Variants in CLVS2 observed in about 807,000 individuals in gnomAD.
CLVS2 encodes the protein clavesin-2.
In CLVS2, 19 loss-of-function variants were observed where a neutral mutation model predicts 29.0. That is an observed-to-expected ratio of 0.66 (90% confidence interval 0.46 to 0.96). CLVS2 has a LOEUF of 0.96. Ranked by LOEUF, CLVS2 falls within the 40% of genes least tolerant of loss-of-function variation. The probability of loss-of-function intolerance (pLI) is 0.00; values close to 1 mark genes in which losing one functional copy is unlikely to be tolerated. For missense variants in CLVS2, 294 were observed against 404.1 expected, an observed-to-expected ratio of 0.73 and a Z score of 2.34; for synonymous variants, 161 against 151.3, an observed-to-expected ratio of 1.06 and a Z score of -0.47.
intron 3 of CLVS2, among the ~76,000 whole-genome samples, chr6:123,047,246 T>G (rs1582661151): frequency 6.6e-6 from 1 of 152,174 alleles, no homozygotes; most frequent in East Asian, 1.9e-4. Flanking sequence ...AGGTATATAC[T>G]ATCTTCTTTT....
At chr6:123,011,197 T>G (rs1382508796) in intron 3 of CLVS2, 38 bp downstream of exon 3, 1 of 1,424,358 alleles carries the variant, frequency 7.0e-7, no homozygotes, top group South Asian at 1.5e-5. Context: ...TGGTCTCTTG[T>G]GTTTGACTTC....
chr6:123,015,237 GACTGCAT>G (rs1400248634), intron 3 of CLVS2, among the ~76,000 whole-genome samples: 1 of 151,992 alleles, frequency 6.6e-6, no homozygotes, highest in Non-Finnish European at 1.5e-5. Flanking sequence ...TGGCATAAAA[GACTGCAT>G]ACTATATGGT....
At position 123,070,762 on chromosome 6, in the gene CLVS2, T is replaced by C. The variant is rs1043686098; in HGVS notation, c.*7001T>C. On this transcript the variant is annotated 3_prime_UTR_variant, in exon 6 of 6. Coordinates refer to ENST00000275162, the MANE Select transcript of CLVS2 (RefSeq NM_001010852.4). ...AGTTCTCTACCCCGTTCTTGCCTTT[T>C]CTTAGATAATCTCTTAAGAATCTCT... 2 of 152,036 alleles carry C rather than the reference T, an allele frequency of 1.3e-5. No homozygotes were observed. The highest frequency in any genetic ancestry group is 4.8e-5 in the African/African-American group (2 of 41,428). The allele number at this position is 152,036 out of a possible 1,614,324, so 9.4% of individuals were successfully genotyped here.
chr6:123,035,279 T>C (rs929567466), intron 3 of CLVS2, among the ~76,000 whole-genome samples: 3 of 152,068 alleles, frequency 2.0e-5, no homozygotes, highest in Non-Finnish European at 4.4e-5. Flanking sequence ...TTTTTAGGAT[T>C]AATACATAAA....
intron 3 of CLVS2, among the ~76,000 whole-genome samples, chr6:123,043,854 G>C (rs1398261866): frequency 6.6e-6 from 1 of 152,120 alleles, no homozygotes; most frequent in African/African-American, 2.4e-5. Context: ...TTAAAAGTTA[G>C]AATAATGTGC....
intron 2 of CLVS2, among the ~76,000 whole-genome samples, chr6:123,006,191 T>A (rs1044964313): frequency 1.3e-5 from 2 of 151,910 alleles, no homozygotes; most frequent in East Asian, 3.9e-4. Flanking sequence ...AGAACTTAGG[T>A]GAGGTGAAAA....
intron 3 of CLVS2, among the ~76,000 whole-genome samples, chr6:123,026,111 T>G (rs1774997702): frequency 6.6e-6 from 1 of 152,196 alleles, no homozygotes; most frequent in African/African-American, 2.4e-5. Flanking sequence ...AGAGTAATAT[T>G]TGCAAAGTGT....
At chr6:122,999,633 A>G (rs11154134) in intron 2 of CLVS2, among the ~76,000 whole-genome samples, 37,661 of 152,178 alleles carry the variant, frequency 0.25, 5,090 homozygotes, top group Non-Finnish European at 0.31. Context: ...TTGTAGGATC[A>G]TGCAAATCAA....
At chr6:123,006,435 A>G (rs183045374) in intron 2 of CLVS2, among the ~76,000 whole-genome samples, 227 of 152,310 alleles carry the variant, frequency 1.5e-3, no homozygotes, top group Non-Finnish European at 2.4e-3. Flanking sequence ...ATCTCACAAT[A>G]GAGGGTAGGC....
At chr6:123,030,897 T>G (rs1269255974) in intron 3 of CLVS2, among the ~76,000 whole-genome samples, 1 of 149,810 alleles carries the variant, frequency 6.7e-6, no homozygotes, top group Non-Finnish European at 1.5e-5. Flanking sequence ...TATATATATA[T>G]CTCATATTCT....
chr6:123,020,786 A>G (rs907679421), intron 3 of CLVS2, among the ~76,000 whole-genome samples: 6 of 152,226 alleles, frequency 3.9e-5, no homozygotes, highest in Admixed American at 3.9e-4. Context: ...TACTTAGTCT[A>G]TCAATTATAT....
At chr6:123,055,266 T>C (rs1231332089) in intron 4 of CLVS2, among the ~76,000 whole-genome samples, 1 of 152,208 alleles carries the variant, frequency 6.6e-6, no homozygotes, top group Non-Finnish European at 1.5e-5. Flanking sequence ...TTTGGTTATT[T>C]ACATCACCCA....
chr6:123,047,365 T>C (rs9482327), intron 3 of CLVS2, among the ~76,000 whole-genome samples: 15,160 of 152,098 alleles, frequency 0.1, 2,586 homozygotes, highest in African/African-American at 0.34. Flanking sequence ...ACAAAAGAAG[T>C]AAGACACTGG....
intron 3 of CLVS2, among the ~76,000 whole-genome samples, chr6:123,030,522 G>A (rs541979299): frequency 1.2e-4 from 18 of 152,260 alleles, no homozygotes; most frequent in Admixed American, 2.0e-4. Flanking sequence ...GAGCATAAAG[G>A]TCAGCCCTAT....
intron 3 of CLVS2, among the ~76,000 whole-genome samples, chr6:123,032,894 T>A (rs1775102694): frequency 6.6e-6 from 1 of 152,164 alleles, no homozygotes; most frequent in South Asian, 2.1e-4. Context: ...GACAGGTTTG[T>A]CCAAGGCATT....
At chr6:123,003,261 A>G (rs1774616047) in intron 2 of CLVS2, among the ~76,000 whole-genome samples, 1 of 152,210 alleles carries the variant, frequency 6.6e-6, no homozygotes, top group Non-Finnish European at 1.5e-5. Flanking sequence ...AACTTTAAAG[A>G]AGGTCGAGAA....
At chr6:123,013,093 G>A (rs940960196) in intron 3 of CLVS2, among the ~76,000 whole-genome samples, 7 of 151,944 alleles carry the variant, frequency 4.6e-5, no homozygotes, top group African/African-American at 1.2e-4. Context: ...GAAATGTTCC[G>A]TTGTGACATG....
At chr6:123,032,185 G>A (rs1008282132) in intron 3 of CLVS2, among the ~76,000 whole-genome samples, 15 of 151,902 alleles carry the variant, frequency 9.9e-5, no homozygotes, top group African/African-American at 3.6e-4. Context: ...TGCATTTATA[G>A]TGCCTTTGAT....
chr6:123,011,566 T>A (rs1436877880), intron 3 of CLVS2, among the ~76,000 whole-genome samples: 1 of 152,042 alleles, frequency 6.6e-6, no homozygotes, highest in Non-Finnish European at 1.5e-5. Flanking sequence ...TATGTTCAAC[T>A]GTTGGAAAGT....
Sources: gnomAD v4.1 joint callset for allele counts (sites outside exome capture counted in the v4.1 genomes callset) on GRCh38, gnomAD v4.1.1 for gene constraint, MANE v1.5 for transcripts, NCBI Gene and HGNC (gene_info 2026-07-23, HGNC 2026-07-21) for gene names.